The following OXR1 variants were observed in gnomAD, a reference collection of about 807,000 sequenced individuals.
OXR1 encodes oxidation resistance protein 1.
A neutral mutation model predicts 104.6 loss-of-function variants in OXR1; 41 were observed. That is an observed-to-expected ratio of 0.39 (90% CI 0.31 to 0.51). The LOEUF (loss-of-function observed/expected upper bound fraction) is 0.51, where lower values mean the gene tolerates loss of function less well. Ranked by LOEUF, OXR1 falls within the 20% of genes least tolerant of loss-of-function variation. The pLI, the probability that OXR1 is intolerant of heterozygous loss-of-function variation, is 0.77. For missense variants in OXR1, 955 were observed against 1,031.9 expected (o/e 0.93, Z 1.02); for synonymous variants, 348 against 348.4 (o/e 1.00, Z 0.01).
At chr8:106,466,343 A>T (rs1353683343) in intron 2 of OXR1, among the ~76,000 whole-genome samples, 1 of 151,894 alleles carries the variant, frequency 6.6e-6, no homozygotes, top group Non-Finnish European at 1.5e-5. Context: ...TACCACCCAG[A>T]GTCACTTTTT....
intron 11 of OXR1, chr8:106,726,315 T>C: frequency 7.0e-7 from 1 of 1,428,180 alleles, no homozygotes; most frequent in East Asian, 2.5e-5. Flanking sequence ...CTCTGGTAAA[T>C]CTTAGTCAAT....
At chr8:106,750,319 C>CTT (rs35342472) in intron 16 of OXR1, among the ~76,000 whole-genome samples, 1 of 68,260 alleles carries the variant, frequency 1.5e-5, no homozygotes, top group African/African-American at 4.6e-5. Flanking sequence ...CTTTTCTTTT[C>CTT]TTTTCTTTTT....
intron 3 of OXR1, among the ~76,000 whole-genome samples, chr8:106,542,066 G>A (rs1444326573): frequency 6.6e-6 from 1 of 152,162 alleles, no homozygotes; most frequent in Non-Finnish European, 1.5e-5. Flanking sequence ...TCTAGCTTCT[G>A]TACAAAAGCT....
intron 1 of OXR1, among the ~76,000 whole-genome samples, chr8:106,329,539 G>A (rs6985865): frequency 0.32 from 47,891 of 151,884 alleles, 10,067 homozygotes; most frequent in African/African-American, 0.6. Flanking sequence ...AGTAAAGACG[G>A]GGTTTCACCG....
intron 3 of OXR1, among the ~76,000 whole-genome samples, chr8:106,657,348 A>G (rs1297433386): frequency 2.0e-5 from 3 of 152,124 alleles, no homozygotes; most frequent in Non-Finnish European, 4.4e-5. Context: ...ACAAGCTGCA[A>G]AAGTTTTATG....
chr8:106,728,507 C>A (rs1315033799), intron 11 of OXR1, among the ~76,000 whole-genome samples: 2 of 152,068 alleles, frequency 1.3e-5, no homozygotes, highest in Non-Finnish European at 2.9e-5. Context: ...ATTTACATCT[C>A]AAATACATTA....
intron 2 of OXR1, among the ~76,000 whole-genome samples, chr8:106,391,889 A>C (rs1817599012): frequency 6.6e-6 from 1 of 152,176 alleles, no homozygotes; most frequent in South Asian, 2.1e-4. Context: ...CACTGAGGGC[A>C]GGGGCACCTT....
intron 1 of OXR1, among the ~76,000 whole-genome samples, chr8:106,303,327 C>T (rs1211627241): frequency 7.0e-6 from 1 of 142,684 alleles, no homozygotes; most frequent in African/African-American, 2.6e-5. Context: ...GATCTAGGCT[C>T]ACTGCAAGCT....
intron 16 of OXR1, among the ~76,000 whole-genome samples, chr8:106,748,786 T>C (rs1835620902): frequency 6.6e-6 from 1 of 151,262 alleles, no homozygotes; most frequent in African/African-American, 2.4e-5. Flanking sequence ...GCCAGGCAGG[T>C]CGCAAACTAC....
At chr8:106,738,883 A>C (rs1179335936) in intron 12 of OXR1, among the ~76,000 whole-genome samples, 2 of 152,088 alleles carry the variant, frequency 1.3e-5, no homozygotes, top group East Asian at 3.8e-4. Flanking sequence ...ATGTTTAGAA[A>C]GTTATAAAAA....
intron 2 of OXR1, among the ~76,000 whole-genome samples, chr8:106,376,663 A>T (rs1388392169): frequency 6.6e-6 from 1 of 152,240 alleles, no homozygotes; most frequent in African/African-American, 2.4e-5. Flanking sequence ...ATAAATGATC[A>T]TTGATGTCAC....
At chr8:106,691,344 T>C (rs573970436) in intron 6 of OXR1, among the ~76,000 whole-genome samples, 142 of 152,118 alleles carry the variant, frequency 9.3e-4, no homozygotes, top group Admixed American at 1.2e-3. Flanking sequence ...TACATAGAGA[T>C]ACTAATACTT....
chr8:106,398,565 A>C (rs1384330483), intron 2 of OXR1, among the ~76,000 whole-genome samples: 1 of 151,472 alleles, frequency 6.6e-6, no homozygotes, highest in Non-Finnish European at 1.5e-5. Context: ...TATAAAACTA[A>C]TTAGCCTCTT....
intron 1 of OXR1, among the ~76,000 whole-genome samples, chr8:106,347,551 T>A (rs553181837): frequency 6.6e-6 from 1 of 152,330 alleles, no homozygotes; most frequent in Admixed American, 6.5e-5. Flanking sequence ...ATTTATTGAT[T>A]GTTGATTGTA....
intron 3 of OXR1, among the ~76,000 whole-genome samples, chr8:106,580,330 ATCT>A: frequency 6.6e-6 from 1 of 152,298 alleles, no homozygotes; most frequent in Middle Eastern, 3.4e-3. Flanking sequence ...TTACATAGTT[ATCT>A]TCTTGTGACT....
chr8:106,405,644 G>C (rs1818206721), intron 2 of OXR1, among the ~76,000 whole-genome samples: 1 of 152,080 alleles, frequency 6.6e-6, no homozygotes, highest in Non-Finnish European at 1.5e-5. Context: ...TAACTTGCTA[G>C]AGGATGAGAG....
At chr8:106,525,086 G>A (rs961943834) in intron 3 of OXR1, among the ~76,000 whole-genome samples, 1 of 152,202 alleles carries the variant, frequency 6.6e-6, no homozygotes, top group Non-Finnish European at 1.5e-5. Context: ...GAGGCACACA[G>A]TTAAGTGCCA....
intron 1 of OXR1, among the ~76,000 whole-genome samples, chr8:106,352,535 A>G (rs1815773077): frequency 6.6e-6 from 1 of 152,218 alleles, no homozygotes; most frequent in African/African-American, 2.4e-5. Flanking sequence ...ACACTGCAGC[A>G]TCTTATGTAA....
At chr8:106,469,656 T>TGTCA (rs1821378047) in intron 2 of OXR1, among the ~76,000 whole-genome samples, 2 of 151,966 alleles carry the variant, frequency 1.3e-5, no homozygotes, top group East Asian at 3.9e-4. Context: ...TGATTAACAG[T>TGTCA]GTCAGTATCA....
Sources: allele counts gnomAD v4.1 joint callset (sites outside exome capture counted in the v4.1 genomes callset), GRCh38; gene constraint gnomAD v4.1.1; transcripts MANE v1.5; gene names NCBI Gene and HGNC (gene_info 2026-07-23, HGNC 2026-07-21).